Variants in CCDC39 observed in about 807,000 individuals in gnomAD.
CCDC39 encodes the protein coiled-coil domain 39 molecular ruler complex subunit.
In CCDC39, 113 loss-of-function variants were observed where a neutral mutation model predicts 121.0. That is an observed-to-expected ratio of 0.93 (90% CI 0.80 to 1.09). The LOEUF (loss-of-function observed/expected upper bound fraction) is 1.09. CCDC39 is among the 50% of genes least tolerant of loss of function. The pLI is 0.00. For missense variants in CCDC39, 1,063 were observed against 1,074.7 expected (o/e 0.99, Z 0.15); for synonymous variants, 349 against 352.2 (o/e 0.99, Z 0.10).
intron 11 of CCDC39, 135 bp from the exon 12 acceptor site, chr3:180,644,392 C>T (rs1032194698): frequency 1.8e-6 from 1 of 545,798 alleles, no homozygotes; most frequent in Non-Finnish European, 3.0e-6. Flanking sequence ...TTTATTATCT[C>T]TCTTTCTGCT....
intron 11 of CCDC39, among the ~76,000 whole-genome samples, chr3:180,646,094 A>C (rs1260275006): frequency 6.6e-6 from 1 of 152,140 alleles, no homozygotes; most frequent in Non-Finnish European, 1.5e-5. Context: ...TTTTTCCCCC[A>C]TTTAATAGAC....
At chr3:180,675,530 C>A in intron 1 of CCDC39, among the ~76,000 whole-genome samples, 1 of 152,046 alleles carries the variant, frequency 6.6e-6, no homozygotes, top group Admixed American at 6.6e-5. Context: ...TAGCTTTTGA[C>A]TGTGTTTGCT....
At position 180,616,845 on chromosome 3, in the gene CCDC39, A is replaced by C; in HGVS notation, c.2387T>G (p.Leu796Ter). The C allele has an allele frequency of 1.9e-6, 3 of 1,610,310 alleles. No individual in the cohort carries two copies. Among genetic ancestry groups the C allele is most frequent in the Non-Finnish European group, 2.5e-6 (3 of 1,177,610 alleles). The part of the protein sequence containing the change: ...SKETEEQKPK[L>*]ERVTKQCAKL... ...CGATACCTGTTTGGTCACTCTTTCTAATTTTGGCTTCTGCTCCTCCGTTTC... is the reference window on the plus strand; with the variant it reads ...CGATACCTGTTTGGTCACTCTTTCTCATTTTGGCTTCTGCTCCTCCGTTTC... Residue 796 changes from leucine (L) to a stop codon, truncating the protein, a stop_gained, in exon 17 of 20, where the codon TTA becomes TGA. Coordinates refer to ENST00000476379, the MANE Select transcript of CCDC39 (RefSeq NM_181426.2). LOFTEE classifies it high-confidence loss of function.
intron 13 of CCDC39, among the ~76,000 whole-genome samples, chr3:180,638,376 G>A (rs770784202): frequency 2.0e-5 from 3 of 152,070 alleles, no homozygotes; most frequent in South Asian, 2.1e-4. Context: ...AACATGCAAG[G>A]ACTGCAAAGT....
chr3:180,631,817 C>T (rs1344459874), intron 13 of CCDC39, among the ~76,000 whole-genome samples: 6 of 152,058 alleles, frequency 3.9e-5, no homozygotes, highest in African/African-American at 9.7e-5. Flanking sequence ...TTTGTTCTCA[C>T]GTTTTAATTT....
intron 14 of CCDC39, among the ~76,000 whole-genome samples, chr3:180,622,815 A>G (rs1717461587): frequency 6.6e-6 from 1 of 151,960 alleles, no homozygotes. Context: ...TCAATTTGCT[A>G]GTATTTTGCT....
chr3:180,619,712 C>T (rs1452202303), intron 15 of CCDC39, 99 bp downstream of exon 15: 2 of 723,178 alleles, frequency 2.8e-6, no homozygotes, highest in Middle Eastern at 3.2e-4. Flanking sequence ...CCCAATCTAA[C>T]ATAGTTTGCT....
At chr3:180,674,707 G>A (rs1271198602) in intron 1 of CCDC39, among the ~76,000 whole-genome samples, 2 of 152,166 alleles carry the variant, frequency 1.3e-5, no homozygotes, top group African/African-American at 4.8e-5. Context: ...GAATTTTGTT[G>A]AAGGCCTTTT....
chr3:180,631,485 G>C lies in CCDC39; in HGVS notation c.1982C>G (p.Ala661Gly), dbSNP rs79040862. 2.5e-6 allele frequency: 4 copies of C among 1,605,056 alleles called. No individual in the cohort carries two copies. The highest frequency in any genetic ancestry group is 2.7e-5 in the African/African-American group (2 of 74,832). Residue 661 changes from alanine to glycine, a missense_variant, in exon 14 of 20, where the codon GCC becomes GGC. Transcript: ENST00000476379. ...PPEGEEEKTQ[A>G]YYVIKAAQEK... ...TAAAATTACCTTTATTACATAATAG[G>C]CCTGTGTTTTCTCCTCTTCTCCTTC...
chr3:180,616,484 T>C, intron 18 of CCDC39, 32 bp downstream of exon 18: 1 of 1,507,940 alleles, frequency 6.6e-7, no homozygotes, highest in Non-Finnish European at 8.9e-7. Flanking sequence ...ATGAAGTTTT[T>C]AAGAAATATT....
At chr3:180,629,742 A>G (rs928297481) in intron 14 of CCDC39, among the ~76,000 whole-genome samples, 2 of 152,246 alleles carry the variant, frequency 1.3e-5, no homozygotes, top group East Asian at 1.9e-4. Context: ...CAAGCTGTGG[A>G]TCCCAGAGAA....
In CCDC39 at chr3:180,663,753, T is replaced by C. The variant is rs1369750562; in HGVS notation, c.210+114A>G. 12 of 976,202 alleles carry C rather than the reference T, an allele frequency of 1.2e-5. No individual in the cohort carries two copies. The South Asian group carries it at 1.8e-4, about 15-fold the overall frequency. 60.5% of individuals were successfully genotyped at this position (976,202 alleles called of 1,614,324 possible). A position where few individuals can be genotyped will look rare whatever the true frequency, so the allele number is the denominator to read the frequency against. ...TTCATGTTCAAGGTTATGTTCACAA[T>C]AGTTTAATTATGCTAAGGTTTCCTA... On this transcript the variant is annotated intron_variant, in intron 2 of 19. Transcript: ENST00000476379.
intron 11 of CCDC39, among the ~76,000 whole-genome samples, chr3:180,646,544 A>G (rs1050174573): frequency 2.6e-5 from 4 of 152,130 alleles, no homozygotes; most frequent in Non-Finnish European, 4.4e-5. Context: ...ACAGAATCCA[A>G]TCATTTCAAA....
At chr3:180,678,357 T>G (rs1712292864) in intron 1 of CCDC39, among the ~76,000 whole-genome samples, 1 of 152,178 alleles carries the variant, frequency 6.6e-6, no homozygotes, top group East Asian at 1.9e-4. Flanking sequence ...AACAGGATTT[T>G]CATTTTCCTT....
chr3:180,634,660 G>A (rs1288098742), intron 13 of CCDC39, among the ~76,000 whole-genome samples: 2 of 152,152 alleles, frequency 1.3e-5, no homozygotes, highest in Admixed American at 6.5e-5. Flanking sequence ...TCAGGTGAGA[G>A]AGCAGCCCCC....
chr3:180,674,756 G>A (rs1712144993), intron 1 of CCDC39, among the ~76,000 whole-genome samples: 1 of 152,052 alleles, frequency 6.6e-6, no homozygotes, highest in African/African-American at 2.4e-5. Flanking sequence ...TTTGTCTTTG[G>A]TTCTGTTTAT....
chr3:180,626,055 G>A (rs1717551973), intron 14 of CCDC39, among the ~76,000 whole-genome samples: 1 of 152,064 alleles, frequency 6.6e-6, no homozygotes, highest in African/African-American at 2.4e-5. Context: ...GCAGGTAATG[G>A]CAGTAGCGGT....
At chr3:180,652,670 A>G (rs1711507720) in intron 7 of CCDC39, among the ~76,000 whole-genome samples, 1 of 152,122 alleles carries the variant, frequency 6.6e-6, no homozygotes, top group Admixed American at 6.5e-5. Flanking sequence ...TTTTACTGTT[A>G]ATCAATAGTA....
At chr3:180,671,871 A>C (rs977335138) in intron 1 of CCDC39, among the ~76,000 whole-genome samples, 2 of 152,180 alleles carry the variant, frequency 1.3e-5, no homozygotes, top group Non-Finnish European at 2.9e-5. Flanking sequence ...CACAACACAA[A>C]AGTACAAAGT....
Sources: allele counts gnomAD v4.1 joint callset (sites outside exome capture counted in the v4.1 genomes callset), GRCh38; gene constraint gnomAD v4.1.1; transcripts MANE v1.5; gene names NCBI Gene and HGNC (gene_info 2026-07-23, HGNC 2026-07-21).